SLC26A8: variants seen among roughly 807,000 people sequenced by gnomAD.
The protein encoded by SLC26A8 is testis anion transporter 1.
In SLC26A8, 70 loss-of-function variants were observed where a neutral mutation model predicts 105.0. The observed-to-expected ratio is 0.67, with a 90% CI of 0.55 to 0.81. The LOEUF is 0.81. SLC26A8 is among the 40% of genes least tolerant of loss of function. The pLI, the probability that SLC26A8 is intolerant of heterozygous loss-of-function variation, is 0.00. For missense variants in SLC26A8, 998 were observed against 1,181.8 expected (o/e 0.84, Z 2.28); for synonymous variants, 415 against 438.3 (o/e 0.95, Z 0.66).
chr6:35,951,101 A>ACCCCACCCCCCCCAGCCCACCAT, intron 19 of SLC26A8, 62 bp downstream of exon 19: 1 of 1,072,412 alleles, frequency 9.3e-7, no homozygotes, highest in Non-Finnish European at 1.3e-6. Flanking sequence ...ACCACCCCTC[A>ACCCCACCCCCCCCAGCCCACCAT]CCCATCCCCC....
intron 3 of SLC26A8, among the ~76,000 whole-genome samples, chr6:36,003,834 T>G (rs1338119920): frequency 1.3e-5 from 2 of 151,938 alleles, no homozygotes; most frequent in Non-Finnish European, 2.9e-5. Context: ...GCTAATTTTT[T>G]GTATTTTTAG....
At position 35,955,156 on chromosome 6, in the gene SLC26A8, C is replaced by G. The variant is rs1289350936; in HGVS notation, c.2228G>C (p.Arg743Thr). 6.2e-7 allele frequency: 1 copy of G among 1,614,068 alleles called. No individual in the cohort carries two copies. Among genetic ancestry groups the G allele is most frequent in the East Asian group, 2.2e-5 (1 of 44,860 alleles). The change falls in exon 17 of 20, where the codon AGA (arginine) becomes ACA (threonine). Residue 743 changes from arginine to threonine, a missense_variant. Physicochemically the swap from Arg to Thr is moderately conservative, Grantham distance 71. Coordinates refer to ENST00000490799, the MANE Select transcript of SLC26A8 (RefSeq NM_052961.4). ...YVDSRGLVVL[R>T]QICNAFQNAN... ...CAAGGCCTCCTCAGTACTTACCTGT[C>G]TTAATACGACTAACCCCCGTGAATC...
intron 17 of SLC26A8, among the ~76,000 whole-genome samples, chr6:35,952,778 G>A (rs1771923094): frequency 6.6e-6 from 1 of 152,086 alleles, no homozygotes; most frequent in Non-Finnish European, 1.5e-5. Flanking sequence ...CACTTTGGGA[G>A]GCTGAGGCAA....
chr6:35,958,564 G>A (rs1242732648), intron 16 of SLC26A8, among the ~76,000 whole-genome samples: 1 of 152,214 alleles, frequency 6.6e-6, no homozygotes, highest in Non-Finnish European at 1.5e-5. Flanking sequence ...TGAGGCAGGT[G>A]GATTGCCTGA....
intron 11 of SLC26A8, 98 bp from the exon 12 acceptor site, chr6:35,962,719 G>T: frequency 9.6e-7 from 1 of 1,046,522 alleles, no homozygotes; most frequent in Non-Finnish European, 1.4e-6. Flanking sequence ...TTGCCACTTT[G>T]AGATATTTTG....
Position 35,983,854 on chromosome 6 carries a change from C to T in SLC26A8, c.943-1651G>A, listed in dbSNP as rs138863096. ...ACAGGCGTGAGCCACTGTGCCTGGC[C>T]GAGTCTGCTCTCTTAAGTACAGATT... On this transcript the variant is annotated intron_variant, in intron 7 of 19. Coordinates refer to ENST00000490799, the MANE Select transcript of SLC26A8 (RefSeq NM_052961.4). 1.6e-4 allele frequency among the ~76,000 whole-genome samples: 25 copies of T among 152,180 alleles called. No homozygotes were observed. The East Asian group carries it at 2.1e-3, about 13-fold the overall frequency.
chr6:36,008,891 G>C, intron 3 of SLC26A8, among the ~76,000 whole-genome samples: 1 of 152,174 alleles, frequency 6.6e-6, no homozygotes, highest in East Asian at 1.9e-4. Flanking sequence ...TGAGGATACA[G>C]AGCAACTGGA....
intron 8 of SLC26A8, 99 bp downstream of exon 8, chr6:35,982,022 A>C (rs75007513): frequency 7.8e-7 from 1 of 1,280,116 alleles, no homozygotes; most frequent in East Asian, 2.4e-5. Flanking sequence ...TGCTTTGGCC[A>C]GAGACTGCTA....
chr6:36,018,664 T>C (rs58789267), intron 2 of SLC26A8, among the ~76,000 whole-genome samples: 5,027 of 152,328 alleles, frequency 0.033, 292 homozygotes, highest in African/African-American at 0.11. Flanking sequence ...TTTTATGTTA[T>C]ACATATTTCA....
intron 19 of SLC26A8, among the ~76,000 whole-genome samples, chr6:35,944,578 A>G (rs931748010): frequency 6.6e-6 from 1 of 150,868 alleles, no homozygotes; most frequent in South Asian, 2.1e-4. Context: ...CTAGTTGGGC[A>G]TGATGGCACA....
At position 35,977,258 on chromosome 6, in the gene SLC26A8, T is replaced by C. The variant is rs1192029084; in HGVS notation, c.1119A>G (p.Ile373Met). ...GACTGGCAATCTTCTTGCCCAGAAA[T>C]ATGAGCAGAAAGGAGCTCACCAAAG... Reference protein sequence around the residue: ...SLSLVSSFLLIFLGKKIASLH... With the variant: ...SLSLVSSFLLMFLGKKIASLH... Residue 373 changes from isoleucine to methionine, a missense_variant, in exon 9 of 20, where the codon ATA becomes ATG. Physicochemically the swap from Ile to Met is conservative, Grantham distance 10. Transcript: ENST00000490799. The C allele has an allele frequency of 3.1e-6, 5 of 1,613,852 alleles. No individual in the cohort carries two copies. The African/African-American group carries it at 4.0e-5, about 13-fold the overall frequency.
intron 8 of SLC26A8, among the ~76,000 whole-genome samples, chr6:35,979,122 G>A (rs1773167452): frequency 6.7e-6 from 1 of 150,184 alleles, no homozygotes; most frequent in Non-Finnish European, 1.5e-5. Flanking sequence ...ACAGTGCTGG[G>A]ATTACAGGCA....
rs149134636 is a variant in SLC26A8, at chr6:35,955,327, G to T, written c.2057C>A (p.Pro686His). Reference protein sequence around the residue: ...QYEEVEEVWLPNNSSRNSSPG... With the variant: ...QYEEVEEVWLHNNSSRNSSPG... ...TGAGCTGTTTCTTGATGAGTTATTA[G>T]GAAGCCAAACTTCCTCCACCTCCTC... is the stretch of plus-strand genomic sequence containing the variant. Residue 686 changes from proline to histidine, a missense_variant, in exon 17 of 20, where the codon CCT becomes CAT. Physicochemically the swap from Pro to His is moderately conservative, Grantham distance 77. Coordinates refer to ENST00000490799, the MANE Select transcript of SLC26A8 (RefSeq NM_052961.4). 1.2e-6 allele frequency: 2 copies of T among 1,614,018 alleles called. No individual in the cohort carries two copies. Among genetic ancestry groups the T allele is most frequent in the Non-Finnish European group, 1.7e-6 (2 of 1,180,034 alleles).
intron 11 of SLC26A8, among the ~76,000 whole-genome samples, chr6:35,962,907 C>T (rs1028049606): frequency 5.3e-5 from 8 of 152,104 alleles, no homozygotes; most frequent in Admixed American, 1.3e-4. Flanking sequence ...GGGCTCAAGA[C>T]GTCCTCCCCA....
At chr6:35,956,809 C>T (rs530194761) in intron 16 of SLC26A8, among the ~76,000 whole-genome samples, 1 of 151,850 alleles carries the variant, frequency 6.6e-6, no homozygotes, top group South Asian at 2.1e-4. Flanking sequence ...ATCCCAGCTA[C>T]TTAGGAGGCT....
chr6:35,957,659 T>G (rs912623828), intron 16 of SLC26A8, among the ~76,000 whole-genome samples: 25 of 149,502 alleles, frequency 1.7e-4, no homozygotes, highest in Admixed American at 1.1e-3. Flanking sequence ...CAGGCTAGAG[T>G]GCAGTGGCAC....
intron 10 of SLC26A8, among the ~76,000 whole-genome samples, chr6:35,973,017 A>T (rs926650926): frequency 1.3e-5 from 2 of 152,202 alleles, no homozygotes; most frequent in Non-Finnish European, 2.9e-5. Flanking sequence ...ACTCCATGAA[A>T]GTCCCACTTC....
chr6:35,971,263 C>T (rs775696912), intron 10 of SLC26A8, among the ~76,000 whole-genome samples: 1 of 152,214 alleles, frequency 6.6e-6, no homozygotes, highest in East Asian at 1.9e-4. Flanking sequence ...AGTGCCTGAA[C>T]AGGGTCTGAT....
chr6:35,981,943 C>T lies in SLC26A8; in HGVS notation c.1025+178G>A, dbSNP rs1773283949. Among the ~76,000 whole-genome samples the T allele has an allele frequency of 1.3e-5, 2 of 152,136 alleles. No homozygotes were observed. The highest frequency in any genetic ancestry group is 1.5e-5 in the Non-Finnish European group (1 of 68,028). On this transcript the variant is annotated intron_variant, in intron 8 of 19. Coordinates refer to ENST00000490799, the MANE Select transcript of SLC26A8 (RefSeq NM_052961.4). This position sits in a 1 kb window ranked among gnomAD's most constrained non-coding sequence, Gnocchi z 4.0. Reference sequence around the variant, plus strand: ...TATGAGAAGAGAGACAGAGGCTGACCAGAGAAGACACAAGGAGTTGTCCCT... The same window carrying T: ...TATGAGAAGAGAGACAGAGGCTGACTAGAGAAGACACAAGGAGTTGTCCCT...
Sources: gnomAD v4.1 joint callset for allele counts (sites outside exome capture counted in the v4.1 genomes callset) on GRCh38, gnomAD v4.1.1 for gene constraint, Gnocchi (gnomAD v3.1) non-coding constraint, MANE v1.5 for transcripts, NCBI Gene and HGNC (gene_info 2026-07-23, HGNC 2026-07-21) for gene names.